Variants in RGPD2 observed in about 807,000 individuals in gnomAD.
RGPD2 encodes the protein RANBP2-like and GRIP domain-containing protein 2.
In RGPD2, 2 loss-of-function variants were observed where a neutral mutation model predicts 36.0. The ratio of observed to expected loss-of-function variants is 0.06; its 90% CI spans 0.02 to 0.17. The LOEUF (loss-of-function observed/expected upper bound fraction) is 0.17. RGPD2 is among the 10% of genes least tolerant of loss of function. The pLI is 1.00. For missense variants in RGPD2, 40 were observed against 464.3 expected, an observed-to-expected ratio of 0.09 and a Z score of 8.40; for synonymous variants, 19 against 163.8, an observed-to-expected ratio of 0.12 and a Z score of 6.75.
chr2:87,882,341 T>C, the RGPD2 span, among the ~76,000 whole-genome samples: 6 of 152,272 alleles, frequency 3.9e-5, no homozygotes, highest in African/African-American at 1.4e-4. Flanking sequence ...CCCAACAGCA[T>C]TTATTGTAGA....
At chr2:87,971,435 A>ATATACATAATATGAATATTATATATAAG in the RGPD2 span, among the ~76,000 whole-genome samples, 1 of 38,996 alleles carries the variant, frequency 2.6e-5, no homozygotes, top group African/African-American at 7.2e-5. Context: ...TTATAGACAT[A>ATATACATAATATGAATATTATATATAAG]TATATATAAT....
At chr2:87,984,857 G>A in the RGPD2 span, among the ~76,000 whole-genome samples, 1 of 151,160 alleles carries the variant, frequency 6.6e-6, no homozygotes, top group Non-Finnish European at 1.5e-5. Flanking sequence ...ATGAACCCAG[G>A]AGGCAGAGCC....
At chr2:87,845,754 T>C in the RGPD2 span, among the ~76,000 whole-genome samples, 2 of 152,060 alleles carry the variant, frequency 1.3e-5, no homozygotes, top group Non-Finnish European at 2.9e-5. Context: ...CAAATGAAAC[T>C]AGTGCTATAT....
At chr2:87,868,581 TG>T in the RGPD2 span, among the ~76,000 whole-genome samples, 2 of 149,952 alleles carry the variant, frequency 1.3e-5, no homozygotes. Flanking sequence ...CCTACAGATC[TG>T]TGTTCCCACT....
At chr2:87,879,412 T>TC in the RGPD2 span, among the ~76,000 whole-genome samples, 334 of 130,842 alleles carry the variant, frequency 2.6e-3, no homozygotes, top group South Asian at 0.038. Context: ...TTTTTTTTTC[T>TC]TTTTTTTTTT....
the RGPD2 span, among the ~76,000 whole-genome samples, chr2:87,988,628 C>A: frequency 6.7e-6 from 1 of 149,294 alleles, no homozygotes; most frequent in Non-Finnish European, 1.5e-5. Context: ...GCAACCTCCG[C>A]ATTCTGGGTT....
the RGPD2 span, among the ~76,000 whole-genome samples, chr2:87,962,347 T>A: frequency 6.6e-6 from 1 of 151,842 alleles, no homozygotes; most frequent in Non-Finnish European, 1.5e-5. Context: ...CTATTTTGGT[T>A]GTGGATAATT....
At chr2:87,861,251 A>G in the RGPD2 span, among the ~76,000 whole-genome samples, 1 of 150,650 alleles carries the variant, frequency 6.6e-6, no homozygotes, top group Non-Finnish European at 1.5e-5. Flanking sequence ...AATTTTTATT[A>G]TAAAAAGCAA....
chr2:87,874,112 A>G, the RGPD2 span, among the ~76,000 whole-genome samples: 341 of 146,176 alleles, frequency 2.3e-3, no homozygotes, highest in Non-Finnish European at 4.3e-3. Context: ...GACCCTGGAT[A>G]CTAGACCTTT....
At chr2:87,917,456 G>A in the RGPD2 span, among the ~76,000 whole-genome samples, 1 of 50,442 alleles carries the variant, frequency 2.0e-5, no homozygotes, top group East Asian at 3.9e-4. Flanking sequence ...CAAAGCTCTG[G>A]GATTATAGGT....
At chr2:87,985,124 T>G in the RGPD2 span, among the ~76,000 whole-genome samples, 1 of 24,898 alleles carries the variant, frequency 4.0e-5, no homozygotes, top group Non-Finnish European at 1.3e-4. Flanking sequence ...CTCTGCTGAT[T>G]TTGTAAATAA....
the RGPD2 span, among the ~76,000 whole-genome samples, chr2:87,917,674 C>T: frequency 2.0e-5 from 1 of 50,578 alleles, no homozygotes; most frequent in Non-Finnish European, 3.5e-5. Flanking sequence ...GAGACACACA[C>T]AATGTCTCGA....
At chr2:87,961,313 C>T in the RGPD2 span, among the ~76,000 whole-genome samples, 10 of 152,290 alleles carry the variant, frequency 6.6e-5, no homozygotes, top group South Asian at 1.2e-3. Context: ...ACCACTGTGA[C>T]GCACTTGTGT....
At chr2:87,826,184 G>A (rs1409209670), upstream of RGPD2, among the ~76,000 whole-genome samples, 2 of 152,146 alleles carry the variant, frequency 1.3e-5, no homozygotes, top group South Asian at 2.1e-4. Context: ...TACTTGTAAA[G>A]TCTATAGGAA....
chr2:87,884,354 C>G, the RGPD2 span, among the ~76,000 whole-genome samples: 3 of 151,660 alleles, frequency 2.0e-5, no homozygotes, highest in Non-Finnish European at 4.4e-5. Flanking sequence ...GAAGACAGCT[C>G]TCAGATAAAG....
chr2:87,922,224 C>T, the RGPD2 span, among the ~76,000 whole-genome samples: 409 of 127,202 alleles, frequency 3.2e-3, no homozygotes, highest in African/African-American at 0.01. Context: ...ACCCGGGAGG[C>T]GGAGGTTTCA....
the RGPD2 span, among the ~76,000 whole-genome samples, chr2:87,842,863 A>C: frequency 3.4e-5 from 5 of 147,688 alleles, no homozygotes; most frequent in Non-Finnish European, 7.6e-5. Flanking sequence ...CAAAACAGAG[A>C]TATAGATCAA....
At chr2:87,945,307 T>C in the RGPD2 span, among the ~76,000 whole-genome samples, 1 of 151,536 alleles carries the variant, frequency 6.6e-6, no homozygotes, top group African/African-American at 2.4e-5. Context: ...AATTTCAAAA[T>C]TATAATGCCA....
At chr2:87,881,071 G>A in the RGPD2 span, among the ~76,000 whole-genome samples, 2 of 148,516 alleles carry the variant, frequency 1.3e-5, no homozygotes, top group African/African-American at 4.9e-5. Flanking sequence ...TGCATCTGGG[G>A]CACACTAGTG....
Sources: allele counts gnomAD v4.1 joint callset (sites outside exome capture counted in the v4.1 genomes callset), GRCh38; gene constraint gnomAD v4.1.1; transcripts MANE v1.5; gene names NCBI Gene and HGNC (gene_info 2026-07-23, HGNC 2026-07-21).